The following ELL variants were observed in gnomAD, a reference collection of about 807,000 sequenced individuals.
ELL encodes the protein RNA polymerase II elongation factor ELL.
A neutral mutation model predicts 64.0 loss-of-function variants in ELL; 18 were observed. The observed-to-expected ratio is 0.28, with a 90% CI of 0.19 to 0.42. ELL has a LOEUF of 0.42. Ranked by LOEUF, ELL falls within the 10% of genes least tolerant of loss-of-function variation. The pLI, the probability that ELL is intolerant of heterozygous loss-of-function variation, is 1.00. For missense variants in ELL, 797 were observed against 870.4 expected (o/e 0.92, Z 1.06); for synonymous variants, 399 against 376.2 (o/e 1.06, Z -0.70).
intron 1 of ELL, among the ~76,000 whole-genome samples, chr19:18,506,707 G>C (rs930496162): frequency 6.6e-5 from 10 of 152,148 alleles, no homozygotes; most frequent in African/African-American, 2.4e-4. Flanking sequence ...CTGGATGACA[G>C]AGCAAGACCT....
chr19:18,475,175 C>CTATA (rs1975150947), intron 1 of ELL, among the ~76,000 whole-genome samples: 1 of 152,092 alleles, frequency 6.6e-6, no homozygotes, highest in African/African-American at 2.4e-5. Flanking sequence ...AAAAAGAGAC[C>CTATA]TATAGGGACC....
intron 1 of ELL, among the ~76,000 whole-genome samples, chr19:18,505,919 C>T (rs1354761962): frequency 6.6e-6 from 1 of 152,180 alleles, no homozygotes; most frequent in African/African-American, 2.4e-5. Context: ...CACCACTGTA[C>T]AGTCAGGTAC....
chr19:18,521,390 G>C (rs558807521), intron 1 of ELL, among the ~76,000 whole-genome samples: 1 of 152,168 alleles, frequency 6.6e-6, no homozygotes, highest in South Asian at 2.1e-4. Context: ...CTTCCACCCA[G>C]ACAGAACAGA....
At chr19:18,521,427 C>A (rs1254520148) in intron 1 of ELL, among the ~76,000 whole-genome samples, 2 of 152,150 alleles carry the variant, frequency 1.3e-5, no homozygotes, top group Non-Finnish European at 2.9e-5. Flanking sequence ...GCTGACCACC[C>A]CCTGCCGGGC....
chr19:18,480,911 G>A (rs540040984), intron 1 of ELL, among the ~76,000 whole-genome samples: 170 of 152,298 alleles, frequency 1.1e-3, no homozygotes, highest in African/African-American at 4.0e-3. Context: ...CAGGATTACA[G>A]GTGTGAGCCA....
chr19:18,517,194 C>A (rs967349629), intron 1 of ELL, among the ~76,000 whole-genome samples: 8 of 152,140 alleles, frequency 5.3e-5, no homozygotes, highest in Non-Finnish European at 1.0e-4. Context: ...CTCCCCTCTC[C>A]CAGAAATCAC....
At position 18,465,780 on chromosome 19, in the gene ELL, GT is replaced by G. The variant is rs1974921956; in HGVS notation, c.305+16del. 1 of 1,424,724 alleles carries G rather than the reference GT, an allele frequency of 7.0e-7. No homozygotes were observed. The highest frequency in any genetic ancestry group is 9.2e-7 in the Non-Finnish European group (1 of 1,082,720). 88.3% of individuals were successfully genotyped at this position (1,424,724 alleles called of 1,614,324 possible). On this transcript the variant is annotated intron_variant, in intron 3 of 11. Coordinates refer to ENST00000262809, the MANE Select transcript of ELL (RefSeq NM_006532.4). ...TCAAGAGCCGGCGGGGTGCTCTGGG[GT>G]GGGGCGGCGCCTCACCTGGAGACAT...
chr19:18,459,691 T>C (rs1200568499), intron 5 of ELL, among the ~76,000 whole-genome samples: 1 of 147,984 alleles, frequency 6.8e-6, no homozygotes, highest in Non-Finnish European at 1.5e-5. Context: ...GGCTAATTTT[T>C]TTGTGTGTGT....
intron 1 of ELL, among the ~76,000 whole-genome samples, chr19:18,475,380 A>G (rs562753014): frequency 2.0e-5 from 3 of 152,348 alleles, no homozygotes; most frequent in South Asian, 4.1e-4. Context: ...GCGAGGACCC[A>G]GAACCTCTGC....
chr19:18,464,107 G>T (rs1269343732), intron 4 of ELL, among the ~76,000 whole-genome samples: 1 of 152,140 alleles, frequency 6.6e-6, no homozygotes, highest in African/African-American at 2.4e-5. Flanking sequence ...GCTGACTCAT[G>T]CCTGTAATCC....
At chr19:18,515,570 G>T (rs888100590) in intron 1 of ELL, among the ~76,000 whole-genome samples, 1 of 152,178 alleles carries the variant, frequency 6.6e-6, no homozygotes, top group African/African-American at 2.4e-5. Context: ...ACTGTGGGTG[G>T]CACAGCCAGC....
intron 1 of ELL, among the ~76,000 whole-genome samples, chr19:18,486,200 G>A (rs1246360301): frequency 1.3e-5 from 2 of 152,116 alleles, no homozygotes; most frequent in African/African-American, 4.8e-5. Context: ...ACCTGGGAAG[G>A]AATCTGGGGA....
chr19:18,478,094 T>G (rs1600468185), intron 1 of ELL, among the ~76,000 whole-genome samples: 1 of 152,108 alleles, frequency 6.6e-6, no homozygotes, highest in South Asian at 2.1e-4. Context: ...TGGGACCAGC[T>G]GTCACCCTCT....
intron 1 of ELL, among the ~76,000 whole-genome samples, chr19:18,487,646 C>T (rs1432767639): frequency 1.3e-5 from 2 of 152,178 alleles, no homozygotes; most frequent in East Asian, 3.8e-4. Flanking sequence ...ATCTCTGGGA[C>T]GAGGACCCGT....
chr19:18,472,927 T>C, intron 1 of ELL, 45 bp from the exon 2 acceptor site: 2 of 1,385,810 alleles, frequency 1.4e-6, no homozygotes, highest in Non-Finnish European at 1.9e-6. Flanking sequence ...GGAACATCAA[T>C]AAAGACATTG....
intron 1 of ELL, among the ~76,000 whole-genome samples, chr19:18,520,843 G>C (rs1976252550): frequency 1.3e-5 from 2 of 151,746 alleles, no homozygotes; most frequent in Non-Finnish European, 2.9e-5. Flanking sequence ...CAGAAAAGGA[G>C]TTACAAGGTT....
intron 1 of ELL, among the ~76,000 whole-genome samples, chr19:18,509,936 T>G (rs1015334413): frequency 2.0e-5 from 3 of 152,232 alleles, no homozygotes; most frequent in African/African-American, 7.2e-5. Context: ...ATAGAGATTC[T>G]GCACCCATCT....
rs975877712 is a variant in ELL at position 18,449,217 on chromosome 19, C to T, written c.1465+1260G>A. 3.9e-5 allele frequency among the ~76,000 whole-genome samples: 6 copies of T among 152,184 alleles called. No homozygotes were observed. The highest frequency in any genetic ancestry group is 7.2e-5 in the African/African-American group (3 of 41,446). On this transcript the variant is annotated intron_variant, in intron 8 of 11. Coordinates refer to ENST00000262809, the MANE Select transcript of ELL (RefSeq NM_006532.4). The surrounding 1 kb of genome is among the most constrained non-coding windows in gnomAD (Gnocchi z 4.4). ...GCACTGGGCATCCAAGGAAGGGACA[C>T]AGCCCAGAGTGGTCTGTGGACCCTG...
At chr19:18,497,190 A>AT (rs1459053356) in intron 1 of ELL, among the ~76,000 whole-genome samples, 1 of 152,252 alleles carries the variant, frequency 6.6e-6, no homozygotes, top group Non-Finnish European at 1.5e-5. Context: ...AGACAACAGG[A>AT]TATAACAAGA....
Sources: allele counts gnomAD v4.1 joint callset (sites outside exome capture counted in the v4.1 genomes callset), GRCh38; gene constraint gnomAD v4.1.1; non-coding constraint Gnocchi (gnomAD v3.1); transcripts MANE v1.5; gene names NCBI Gene and HGNC (gene_info 2026-07-23, HGNC 2026-07-21).